Variants in NFXL1 observed in about 807,000 individuals in gnomAD.
NFXL1 encodes nuclear transcription factor, X-box binding like 1, also known as NF-X1-type zinc finger protein NFXL1.
In NFXL1, 66 loss-of-function variants were observed where a neutral mutation model predicts 123.3. That is an observed-to-expected ratio of 0.54 (90% CI 0.44 to 0.66). The LOEUF (loss-of-function observed/expected upper bound fraction) is 0.66. NFXL1 is among the 30% of genes least tolerant of loss of function. The pLI, the probability that NFXL1 is intolerant of heterozygous loss-of-function variation, is 0.00. For synonymous variants in NFXL1, 346 were observed against 360.8 expected (o/e 0.96, Z 0.46); for missense variants, 944 against 1,125.6 (o/e 0.84, Z 2.31).
Position 47,910,899 on chromosome 4 carries a change from C to T in NFXL1, c.331G>A (p.Glu111Lys), listed in dbSNP as rs766424271. The T allele has an allele frequency of 6.3e-7, 1 of 1,598,456 alleles. No homozygotes were observed. The highest frequency in any genetic ancestry group is 1.1e-5 in the South Asian group (1 of 88,886). Residue 111 changes from glutamate to lysine, a missense_variant, in exon 3 of 23, where the codon GAA (glutamate) becomes AAA (lysine). Coordinates refer to ENST00000507489, the MANE Select transcript of NFXL1 (RefSeq NM_001278624.2). Reference protein sequence around the residue: ...VEEQFSSSSEEGDEDFEGKQG... With the variant: ...VEEQFSSSSEKGDEDFEGKQG... Reference sequence around the variant, plus strand: ...TTTCCTTCAAAATCTTCATCTCCTTCTTCAGATGAAGAGCTAAACTGTTCT... The same window carrying T: ...TTTCCTTCAAAATCTTCATCTCCTTTTTCAGATGAAGAGCTAAACTGTTCT...
At chr4:47,898,375 A>G (rs1436433437) in intron 8 of NFXL1, among the ~76,000 whole-genome samples, 1 of 152,208 alleles carries the variant, frequency 6.6e-6, no homozygotes, top group Non-Finnish European at 1.5e-5. Context: ...TCTAAGTGGC[A>G]TTAAAACCAT....
chr4:47,896,856 A>G (rs1464699538), intron 9 of NFXL1: 3 of 514,868 alleles, frequency 5.8e-6, no homozygotes, highest in African/African-American at 5.7e-5. Flanking sequence ...ATTTGACACA[A>G]GTTACTATCC....
intron 17 of NFXL1, among the ~76,000 whole-genome samples, chr4:47,875,538 CT>C (rs1268740337): frequency 6.6e-6 from 1 of 152,062 alleles, no homozygotes; most frequent in African/African-American, 2.4e-5. Context: ...TTAAGTCAAA[CT>C]GCCTCATTTT....
At chr4:47,861,378 G>A (rs1362627743) in intron 19 of NFXL1, among the ~76,000 whole-genome samples, 3 of 152,214 alleles carry the variant, frequency 2.0e-5, no homozygotes, top group Non-Finnish European at 2.9e-5. Context: ...AAAGCCCAAG[G>A]AGATCTAGCA....
Position 47,885,928 on chromosome 4 carries a change from AG to A in NFXL1, c.1614del (p.Cys539ValfsTer64). On this transcript the variant is annotated frameshift_variant, in exon 13 of 23. Transcript: ENST00000507489. LOFTEE classifies it high-confidence loss of function. Reference sequence around the variant, plus strand: ...GGTCTTGTGGTACGTTCTCGGCCACAGGGCACTGTCACCTTTGTATTGCCAC... The same window carrying A: ...GGTCTTGTGGTACGTTCTCGGCCACAGGCACTGTCACCTTTGTATTGCCAC... The part of the protein sequence containing the change: ...CNCGNTKVTV[P>X]CGRERTTRPP... 6.2e-7 allele frequency: 1 copy of A among 1,613,920 alleles called. No homozygotes were observed.
intron 19 of NFXL1, among the ~76,000 whole-genome samples, chr4:47,856,809 T>A (rs980072229): frequency 6.6e-6 from 1 of 152,216 alleles, no homozygotes; most frequent in Non-Finnish European, 1.5e-5. Flanking sequence ...TCCCTTTATC[T>A]AATACTGGAC....
At chr4:47,912,458 TTTC>T (rs1385996363) in intron 2 of NFXL1, among the ~76,000 whole-genome samples, 17 of 99,718 alleles carry the variant, frequency 1.7e-4, no homozygotes, top group African/African-American at 6.2e-4. Context: ...TTTTCTTTTC[TTTC>T]TTTTTTTTTT....
chr4:47,861,390 T>TA (rs1734759024), intron 19 of NFXL1, among the ~76,000 whole-genome samples: 1 of 152,166 alleles, frequency 6.6e-6, no homozygotes, highest in African/African-American at 2.4e-5. Flanking sequence ...GATCTAGCAA[T>TA]ACCAGGGGCT....
chr4:47,886,129 A>ATTTTT, intron 12 of NFXL1, 130 bp from the exon 13 acceptor site: 1 of 748,522 alleles, frequency 1.3e-6, no homozygotes, highest in Non-Finnish European at 2.2e-6. Context: ...CTACAACAAC[A>ATTTTT]TGAATGAATC....
At chr4:47,891,047 A>T (rs1231631352) in intron 11 of NFXL1, among the ~76,000 whole-genome samples, 1 of 152,122 alleles carries the variant, frequency 6.6e-6, no homozygotes, top group Non-Finnish European at 1.5e-5. Flanking sequence ...TTTAAAAAAA[A>T]TTTAATTAAA....
chr4:47,871,147 A>G (rs1484915463), intron 18 of NFXL1, among the ~76,000 whole-genome samples: 1 of 152,096 alleles, frequency 6.6e-6, no homozygotes, highest in Non-Finnish European at 1.5e-5. Flanking sequence ...TCAGGAGATC[A>G]AGACCATCCT....
At chr4:47,861,554 C>G (rs1306920664) in intron 19 of NFXL1, among the ~76,000 whole-genome samples, 1 of 152,126 alleles carries the variant, frequency 6.6e-6, no homozygotes, top group Non-Finnish European at 1.5e-5. Context: ...TAAATCATAC[C>G]AGGTTACTAA....
At chr4:47,885,220 T>C (rs1029525170) in intron 14 of NFXL1, among the ~76,000 whole-genome samples, 2 of 152,052 alleles carry the variant, frequency 1.3e-5, no homozygotes, top group Non-Finnish European at 2.9e-5. Flanking sequence ...AGGAGATATC[T>C]ATAACCCTAA....
intron 19 of NFXL1, among the ~76,000 whole-genome samples, chr4:47,859,264 T>C (rs964807426): frequency 2.6e-5 from 4 of 152,180 alleles, no homozygotes; most frequent in African/African-American, 7.2e-5. Context: ...ATTCCAATAA[T>C]AGGAAAAGCC....
At position 47,847,287 on chromosome 4, in the gene NFXL1, A is replaced by G. The variant is rs1238583265; in HGVS notation, c.*876T>C. The G allele has an allele frequency of 6.6e-6, 1 of 152,182 alleles. No individual in the cohort carries two copies. The highest frequency in any genetic ancestry group is 2.4e-5 in the African/African-American group (1 of 41,454). The allele number at this position is 152,182 out of a possible 1,614,324, so 9.4% of individuals were successfully genotyped here. A position where few individuals can be genotyped will look rare whatever the true frequency, so the allele number is the denominator to read the frequency against. ...AAAACATTAATCATATAAATTAAATAGCAAAACTATTTGAAAGGAATTATA... is the reference window on the plus strand; with the variant it reads ...AAAACATTAATCATATAAATTAAATGGCAAAACTATTTGAAAGGAATTATA... On this transcript the variant is annotated 3_prime_UTR_variant, in exon 23 of 23. Transcript: ENST00000507489.
chr4:47,895,835 C>G (rs540720518), intron 10 of NFXL1, among the ~76,000 whole-genome samples: 1 of 152,300 alleles, frequency 6.6e-6, no homozygotes, highest in South Asian at 2.1e-4. Context: ...AACTTTCAGC[C>G]TATTTCAGCT....
chr4:47,880,922 TA>T (rs1736072562), intron 15 of NFXL1, among the ~76,000 whole-genome samples: 1 of 147,308 alleles, frequency 6.8e-6, no homozygotes, highest in South Asian at 2.1e-4. Flanking sequence ...CTTATAGAAA[TA>T]AAAAGCAGAA....
At position 47,912,872 on chromosome 4, in the gene NFXL1, G is replaced by A. The variant is rs552208545; in HGVS notation, c.235+1097C>T. 2.7e-5 allele frequency among the ~76,000 whole-genome samples: 4 copies of A among 149,366 alleles called. No homozygotes were observed. The South Asian group carries it at 8.6e-4, about 32-fold the overall frequency. Reference sequence around the variant, plus strand: ...GAACAAAAAACAAAACATTAGCCAGGCGTGGTGGCAGGCGCCTGTAGTCCC... The same window carrying A: ...GAACAAAAAACAAAACATTAGCCAGACGTGGTGGCAGGCGCCTGTAGTCCC... On this transcript the variant is annotated intron_variant, in intron 2 of 22. Coordinates refer to ENST00000507489, the MANE Select transcript of NFXL1 (RefSeq NM_001278624.2).
intron 17 of NFXL1, 60 bp from the exon 18 acceptor site, chr4:47,875,353 G>T: frequency 7.9e-7 from 1 of 1,272,782 alleles, no homozygotes; most frequent in Non-Finnish European, 1.1e-6. Context: ...ATTTCCATAT[G>T]TTACAGTTAT....
Sources: allele counts gnomAD v4.1 joint callset (sites outside exome capture counted in the v4.1 genomes callset), GRCh38; gene constraint gnomAD v4.1.1; transcripts MANE v1.5; gene names NCBI Gene and HGNC (gene_info 2026-07-23, HGNC 2026-07-21).